The following STX7 variants were observed in gnomAD, a reference collection of about 807,000 sequenced individuals.
STX7 encodes the protein syntaxin-7.
Under a neutral mutation model 39.6 loss-of-function variants are expected in STX7, and 34 were observed. That is an observed-to-expected ratio of 0.86 (90% CI 0.65 to 1.14). The LOEUF is 1.14. Ranked by LOEUF, STX7 falls within the 50% of genes most tolerant of loss-of-function variation. The pLI is 0.00. For synonymous variants in STX7, 119 were observed against 99.1 expected (o/e 1.20, Z -1.19); for missense variants, 284 against 310.4 (o/e 0.92, Z 0.64).
chr6:132,512,075 C>G (rs1775859468), intron 1 of STX7, among the ~76,000 whole-genome samples: 1 of 152,186 alleles, frequency 6.6e-6, no homozygotes, highest in South Asian at 2.1e-4. Context: ...CACAGTTTAA[C>G]ACCGTTATCA....
intron 1 of STX7, among the ~76,000 whole-genome samples, chr6:132,509,454 T>C (rs1775785532): frequency 3.0e-4 from 1 of 3,288 alleles, no homozygotes; most frequent in Admixed American, 3.2e-3. Flanking sequence ...CGTCTCAAAA[T>C]AACATAACAT....
intron 2 of STX7, among the ~76,000 whole-genome samples, chr6:132,494,233 GAAA>G (rs909391721): frequency 6.7e-6 from 1 of 148,846 alleles, no homozygotes; most frequent in Non-Finnish European, 1.5e-5. Flanking sequence ...AATAACAAGA[GAAA>G]AAAAAAGTAA....
At chr6:132,511,942 A>C (rs540814872) in intron 1 of STX7, among the ~76,000 whole-genome samples, 2 of 152,366 alleles carry the variant, frequency 1.3e-5, no homozygotes, top group South Asian at 2.1e-4. Flanking sequence ...GATGTTAATC[A>C]GTTAATATGG....
intron 3 of STX7, among the ~76,000 whole-genome samples, chr6:132,473,609 C>G (rs1368070030): frequency 7.0e-6 from 1 of 143,100 alleles, no homozygotes; most frequent in Non-Finnish European, 1.5e-5. Flanking sequence ...GACTACATAT[C>G]CATATTTTAT....
rs1443940726 is a variant in STX7 at position 132,453,726 on chromosome 6, A to G, written c.*7032T>C. The stretch of plus-strand genomic sequence containing the variant: ...GGGAAAATGGTAAATCAAAACTGCA[A>G]TGAGCTGTCACTATACACTTATCAG... On this transcript the variant is annotated 3_prime_UTR_variant, in exon 10 of 10. Coordinates refer to ENST00000367941, the MANE Select transcript of STX7 (RefSeq NM_003569.3). 3 of 152,090 alleles carry G rather than the reference A, an allele frequency of 2.0e-5. No individual in the cohort carries two copies. Among genetic ancestry groups the G allele is most frequent in the African/African-American group, 7.2e-5 (3 of 41,454 alleles). The allele number at this position is 152,090 out of a possible 1,614,324, so 9.4% of individuals were successfully genotyped here. A position where few individuals can be genotyped will look rare whatever the true frequency, so the allele number is the denominator to read the frequency against.
intron 2 of STX7, among the ~76,000 whole-genome samples, chr6:132,481,939 T>C (rs1562329869): frequency 6.6e-6 from 1 of 151,840 alleles, no homozygotes; most frequent in Non-Finnish European, 1.5e-5. Flanking sequence ...ACCTCTAATA[T>C]CATACTCAGA....
chr6:132,478,105 C>T (rs1365755836), intron 2 of STX7, among the ~76,000 whole-genome samples: 4 of 151,616 alleles, frequency 2.6e-5, no homozygotes, highest in Non-Finnish European at 4.4e-5. Context: ...GTCAGACAAT[C>T]CAGTAGAAAA....
intron 4 of STX7, 82 bp downstream of exon 4, chr6:132,472,200 A>G: frequency 1.0e-6 from 1 of 996,008 alleles, no homozygotes; most frequent in Middle Eastern, 2.2e-4. Flanking sequence ...TTTCCTTTCT[A>G]GCGTAACAGT....
chr6:132,477,258 T>C (rs1774897932), intron 2 of STX7, among the ~76,000 whole-genome samples: 5 of 152,172 alleles, frequency 3.3e-5, no homozygotes. Flanking sequence ...ATTAGCTATA[T>C]ATTCCCTCTC....
chr6:132,477,071 A>G (rs1347615324), intron 2 of STX7, among the ~76,000 whole-genome samples: 1 of 152,206 alleles, frequency 6.6e-6, no homozygotes, highest in East Asian at 1.9e-4. Context: ...GATGTAATAA[A>G]TACTGCTTTT....
In STX7 at chr6:132,503,579, A is replaced by G. The variant is rs768323325; in HGVS notation, c.-49T>C. The G allele has an allele frequency of 7.0e-7, 1 of 1,434,070 alleles. No individual in the cohort carries two copies. Among genetic ancestry groups the G allele is most frequent in the Non-Finnish European group, 9.8e-7 (1 of 1,018,930 alleles). 88.8% of individuals were successfully genotyped at this position (1,434,070 alleles called of 1,614,324 possible). On this transcript the variant is annotated 5_prime_UTR_variant, in exon 2 of 10. Transcript: ENST00000367941. ...TTCATCAGATGCTGTGCAGTTTTCT[A>G]AGCAGTCACCTAAATAATATAAAAG...
chr6:132,467,965 AATG>A (rs2114367168), intron 8 of STX7, among the ~76,000 whole-genome samples: 2 of 152,342 alleles, frequency 1.3e-5, no homozygotes, highest in East Asian at 3.9e-4. Context: ...TATTAAAATG[AATG>A]ATTAGGCAAA....
intron 2 of STX7, among the ~76,000 whole-genome samples, chr6:132,481,798 A>G (rs1356607883): frequency 6.6e-6 from 1 of 152,234 alleles, no homozygotes; most frequent in Admixed American, 6.5e-5. Flanking sequence ...AACAAATGCT[A>G]TAACAATGTT....
At position 132,453,273 on chromosome 6, in the gene STX7, A is replaced by G. The variant is rs1227290597; in HGVS notation, c.*7485T>C. The G allele has an allele frequency of 2.0e-5, 3 of 152,292 alleles. No homozygotes were observed. The East Asian group carries it at 5.8e-4, about 29-fold the overall frequency. The allele number at this position is 152,292 out of a possible 1,614,324, so 9.4% of individuals were successfully genotyped here. On this transcript the variant is annotated 3_prime_UTR_variant, in exon 10 of 10. Coordinates refer to ENST00000367941, the MANE Select transcript of STX7 (RefSeq NM_003569.3). ...AACTGAAAATGGAATATAGACTTAAAAGTAAAACGTAAACTATAATACTTT... is the reference window on the plus strand; with the variant it reads ...AACTGAAAATGGAATATAGACTTAAGAGTAAAACGTAAACTATAATACTTT...
Position 132,457,837 on chromosome 6 carries a change from T to A in STX7, c.*2921A>T, listed in dbSNP as rs1195955257. The A allele has an allele frequency of 6.6e-6, 1 of 152,172 alleles. No individual in the cohort carries two copies. The highest frequency in any genetic ancestry group is 1.9e-4 in the East Asian group (1 of 5,204). The allele number at this position is 152,172 out of a possible 1,614,324, so 9.4% of individuals were successfully genotyped here. ...AAACCAGCCATGTGAAAGAAATAAATTCAATTTTGACTTTCAAAAAAAATA... is the reference window on the plus strand; with the variant it reads ...AAACCAGCCATGTGAAAGAAATAAAATCAATTTTGACTTTCAAAAAAAATA... On this transcript the variant is annotated 3_prime_UTR_variant, in exon 10 of 10. Transcript: ENST00000367941.
At chr6:132,471,707 A>T in intron 4 of STX7, 107 bp from the exon 5 acceptor site, 1 of 1,269,524 alleles carries the variant, frequency 7.9e-7, no homozygotes, top group Non-Finnish European at 1.1e-6. Context: ...TTACTCCCCA[A>T]TTACAGGGCC....
chr6:132,492,416 T>G (rs1775314373), intron 2 of STX7, among the ~76,000 whole-genome samples: 1 of 152,244 alleles, frequency 6.6e-6, no homozygotes, highest in Non-Finnish European at 1.5e-5. Flanking sequence ...TACTTATTTA[T>G]TTTATGTCTG....
rs1774187562 is a variant in STX7, at chr6:132,453,715, T to G, written c.*7043A>C. 1.3e-5 allele frequency: 2 copies of G among 151,766 alleles called. No homozygotes were observed. The highest frequency in any genetic ancestry group is 2.9e-5 in the Non-Finnish European group (2 of 67,890). The allele number at this position is 151,766 out of a possible 1,614,324, so 9.4% of individuals were successfully genotyped here. On this transcript the variant is annotated 3_prime_UTR_variant, in exon 10 of 10. Transcript: ENST00000367941. ...CCATTAGCGAAGGGAAAATGGTAAA[T>G]CAAAACTGCAATGAGCTGTCACTAT... is the stretch of plus-strand genomic sequence containing the variant.
intron 2 of STX7, among the ~76,000 whole-genome samples, chr6:132,486,870 T>C (rs1161394114): frequency 6.6e-6 from 1 of 152,144 alleles, no homozygotes; most frequent in Non-Finnish European, 1.5e-5. Context: ...TTTCACCATA[T>C]TGGCCAGGCT....
Sources: gnomAD v4.1 joint callset for allele counts (sites outside exome capture counted in the v4.1 genomes callset) on GRCh38, gnomAD v4.1.1 for gene constraint, MANE v1.5 for transcripts, NCBI Gene and HGNC (gene_info 2026-07-23, HGNC 2026-07-21) for gene names.